The following ABCC1 variants were observed in gnomAD, a reference collection of about 807,000 sequenced individuals.
ABCC1 encodes the protein ATP binding cassette subfamily C member 1 (ABCC1 blood group).
A neutral mutation model predicts 172.9 loss-of-function variants in ABCC1; 83 were observed. The observed-to-expected ratio is 0.48, with a 90% CI of 0.40 to 0.58. ABCC1 has a LOEUF of 0.58. Ranked by LOEUF, ABCC1 falls within the 20% of genes least tolerant of loss-of-function variation. The pLI, the probability that ABCC1 is intolerant of heterozygous loss-of-function variation, is 0.00. For missense variants in ABCC1, 1,817 were observed against 2,002.7 expected, an observed-to-expected ratio of 0.91 and a Z score of 1.77; for synonymous variants, 937 against 825.2, an observed-to-expected ratio of 1.14 and a Z score of -2.32.
chr16:16,132,361 TG>T (rs1226950950), intron 27 of ABCC1, among the ~76,000 whole-genome samples: 11 of 150,334 alleles, frequency 7.3e-5, no homozygotes, highest in Non-Finnish European at 1.2e-4. Flanking sequence ...TTTGTAGAGA[TG>T]GGGGTCCTAC....
intron 7 of ABCC1, among the ~76,000 whole-genome samples, chr16:16,043,072 A>G (rs1160095909): frequency 1.3e-5 from 2 of 151,720 alleles, no homozygotes; most frequent in African/African-American, 4.8e-5. Context: ...CATGTTGGTC[A>G]GGGTGTTCTC....
At chr16:16,127,289 C>T (rs770991567) in intron 26 of ABCC1, among the ~76,000 whole-genome samples, 25 of 152,264 alleles carry the variant, frequency 1.6e-4, no homozygotes, top group South Asian at 2.1e-4. Context: ...CGATCTCATT[C>T]GCTGCCTCCC....
At chr16:16,134,547 G>C (rs769316904) in intron 28 of ABCC1, 39 bp downstream of exon 28, 11 of 1,611,268 alleles carry the variant, frequency 6.8e-6, no homozygotes, top group South Asian at 4.4e-5. Context: ...AGCCAGAGCT[G>C]GCAAGCCCTA....
At chr16:16,097,099 TTTTG>T (rs1380826124) in intron 19 of ABCC1, among the ~76,000 whole-genome samples, 14 of 151,768 alleles carry the variant, frequency 9.2e-5, no homozygotes, top group African/African-American at 2.4e-4. Flanking sequence ...GATCTGAGGG[TTTTG>T]TTTGTTTGTT....
At chr16:16,084,181 C>T (rs1596475189) in intron 17 of ABCC1, among the ~76,000 whole-genome samples, 1 of 152,132 alleles carries the variant, frequency 6.6e-6, no homozygotes, top group Admixed American at 6.5e-5. Flanking sequence ...CAGCTCACTG[C>T]AACCTCTGCC....
At chr16:16,081,612 C>T (rs1165742149) in intron 16 of ABCC1, among the ~76,000 whole-genome samples, 1 of 152,100 alleles carries the variant, frequency 6.6e-6, no homozygotes, top group Non-Finnish European at 1.5e-5. Flanking sequence ...GACATTTTGG[C>T]TTTTTAAAAG....
chr16:16,129,883 C>G (rs1431860966), intron 26 of ABCC1, among the ~76,000 whole-genome samples: 1 of 152,166 alleles, frequency 6.6e-6, no homozygotes, highest in African/African-American at 2.4e-5. Context: ...CATGTCTTGC[C>G]TAAAAGTTGC....
intron 4 of ABCC1, 108 bp downstream of exon 4, chr16:16,014,736 T>G (rs2151756183): frequency 7.4e-7 from 1 of 1,348,576 alleles, no homozygotes; most frequent in Non-Finnish European, 1.0e-6. Context: ...AACCAGGGGC[T>G]GGGTACCACA....
At chr16:16,051,382 A>G (rs1174134302) in intron 10 of ABCC1, among the ~76,000 whole-genome samples, 1 of 152,058 alleles carries the variant, frequency 6.6e-6, no homozygotes, top group East Asian at 1.9e-4. Flanking sequence ...TGTGTTGCCC[A>G]GGCTGGTCTC....
intron 12 of ABCC1, among the ~76,000 whole-genome samples, chr16:16,061,772 C>CTTTTTTTTTTT (rs201926082): frequency 2.6e-5 from 3 of 116,226 alleles, no homozygotes; most frequent in Non-Finnish European, 5.1e-5. Context: ...TTCTTTTTTT[C>CTTTTTTTTTTT]TTTTTTTTTT....
chr16:16,057,564 A>C (rs1306491663), intron 12 of ABCC1, among the ~76,000 whole-genome samples: 1 of 151,946 alleles, frequency 6.6e-6, no homozygotes, highest in African/African-American at 2.4e-5. Context: ...AAAGATATAA[A>C]ATGAAAAGTA....
intron 17 of ABCC1, among the ~76,000 whole-genome samples, chr16:16,085,264 G>A (rs2050963409): frequency 6.6e-6 from 1 of 152,144 alleles, no homozygotes; most frequent in Non-Finnish European, 1.5e-5. Flanking sequence ...CCACACCTTG[G>A]TCTGAGCCTT....
intron 1 of ABCC1, among the ~76,000 whole-genome samples, chr16:15,984,583 C>T (rs541841936): frequency 6.6e-6 from 1 of 151,738 alleles, no homozygotes; most frequent in South Asian, 2.1e-4. Context: ...GCTGAGATTA[C>T]AGGTGTGTGC....
chr16:15,982,311 A>AT (rs1349213109), intron 1 of ABCC1, among the ~76,000 whole-genome samples: 1 of 152,100 alleles, frequency 6.6e-6, no homozygotes, highest in African/African-American at 2.4e-5. Flanking sequence ...TGGGTAGTTT[A>AT]TAAAGGGAAG....
chr16:16,010,988 C>T (rs1203250739), intron 3 of ABCC1, among the ~76,000 whole-genome samples: 5 of 152,142 alleles, frequency 3.3e-5, no homozygotes, highest in Non-Finnish European at 7.3e-5. Context: ...AATCCCAGCA[C>T]TTTGGGAGGC....
intron 5 of ABCC1, among the ~76,000 whole-genome samples, chr16:16,027,367 T>C (rs894123170): frequency 2.0e-5 from 3 of 152,218 alleles, no homozygotes; most frequent in African/African-American, 7.2e-5. Context: ...TGGGTGTGAC[T>C]GTTCCAATGA....
At chr16:16,130,894 G>A (rs965399989) in intron 26 of ABCC1, among the ~76,000 whole-genome samples, 2 of 152,164 alleles carry the variant, frequency 1.3e-5, no homozygotes, top group Admixed American at 1.3e-4. Context: ...AGGTAGAGGT[G>A]GGTGGATCAT....
intron 1 of ABCC1, among the ~76,000 whole-genome samples, chr16:15,988,929 CT>C (rs1383394709): frequency 2.0e-5 from 3 of 151,738 alleles, no homozygotes; most frequent in Admixed American, 1.3e-4. Flanking sequence ...ATTAACCAGG[CT>C]TGGTGGTGTG....
intron 1 of ABCC1, among the ~76,000 whole-genome samples, chr16:15,955,976 G>A (rs999471810): frequency 2.0e-5 from 3 of 152,212 alleles, no homozygotes; most frequent in Admixed American, 1.3e-4. Flanking sequence ...GATGCAGCGC[G>A]GTGGCTTACA....
Sources: gnomAD v4.1 joint callset for allele counts (sites outside exome capture counted in the v4.1 genomes callset) on GRCh38, gnomAD v4.1.1 for gene constraint, MANE v1.5 for transcripts, NCBI Gene and HGNC (gene_info 2026-07-23, HGNC 2026-07-21) for gene names.